Variants in FIGN observed in about 807,000 individuals in gnomAD.
FIGN encodes fidgetin.
In FIGN, 11 loss-of-function variants were observed where a neutral mutation model predicts 51.3. That is an observed-to-expected ratio of 0.21 (90% CI 0.13 to 0.35). FIGN has a LOEUF of 0.35. Among genes scored for constraint, FIGN ranks in the 10% least tolerant of loss-of-function variants. FIGN has a pLI of 1.00. For synonymous variants in FIGN, 407 were observed against 363.2 expected (o/e 1.12, Z -1.37); for missense variants, 857 against 943.6 (o/e 0.91, Z 1.20).
At chr2:163,655,125 C>T (rs1161631291) in intron 2 of FIGN, among the ~76,000 whole-genome samples, 1 of 152,124 alleles carries the variant, frequency 6.6e-6, no homozygotes, top group Admixed American at 6.6e-5. Flanking sequence ...AAATGGTTTT[C>T]AAGCTAGTAA....
chr2:163,688,542 G>A (rs764698721), intron 2 of FIGN, among the ~76,000 whole-genome samples: 5 of 152,152 alleles, frequency 3.3e-5, no homozygotes, highest in Admixed American at 6.6e-5. Flanking sequence ...CTATGTGAAA[G>A]TTAAAAAGAA....
intron 2 of FIGN, among the ~76,000 whole-genome samples, chr2:163,684,931 G>T (rs1684122107): frequency 6.8e-6 from 1 of 146,646 alleles, no homozygotes; most frequent in Admixed American, 6.8e-5. Flanking sequence ...GAGCCACCAT[G>T]CCTGGCTATT....
chr2:163,687,041 G>C (rs150348332), intron 2 of FIGN, among the ~76,000 whole-genome samples: 1 of 151,872 alleles, frequency 6.6e-6, no homozygotes, highest in South Asian at 2.1e-4. Context: ...ACACATACAT[G>C]CACAGCTACA....
intron 2 of FIGN, among the ~76,000 whole-genome samples, chr2:163,668,549 C>T (rs1017947063): frequency 1.3e-5 from 2 of 152,188 alleles, no homozygotes; most frequent in African/African-American, 4.8e-5. Context: ...AATTCCATCT[C>T]TTCATAAGAA....
intron 2 of FIGN, among the ~76,000 whole-genome samples, chr2:163,638,960 T>A (rs1683267036): frequency 6.6e-6 from 1 of 152,184 alleles, no homozygotes; most frequent in Non-Finnish European, 1.5e-5. Flanking sequence ...TAAACAGCAT[T>A]AAACCCCTCC....
At chr2:163,701,238 C>T (rs757630748) in intron 2 of FIGN, among the ~76,000 whole-genome samples, 2 of 152,116 alleles carry the variant, frequency 1.3e-5, no homozygotes, top group Non-Finnish European at 2.9e-5. Flanking sequence ...ATGTGAATTA[C>T]AGCACTGAGT....
At chr2:163,716,355 C>G (rs950424402) in intron 2 of FIGN, among the ~76,000 whole-genome samples, 2 of 152,062 alleles carry the variant, frequency 1.3e-5, no homozygotes, top group African/African-American at 4.8e-5. Flanking sequence ...ATTGGCACTA[C>G]CTTTAAAAAC....
intron 2 of FIGN, among the ~76,000 whole-genome samples, chr2:163,712,650 T>G (rs921762123): frequency 6.6e-6 from 1 of 150,432 alleles, no homozygotes; most frequent in African/African-American, 2.4e-5. Context: ...TGTTGTGAGG[T>G]TTTTTTTAAG....
At chr2:163,614,398 T>C (rs1157619490) in intron 2 of FIGN, among the ~76,000 whole-genome samples, 1 of 152,178 alleles carries the variant, frequency 6.6e-6, no homozygotes, top group Non-Finnish European at 1.5e-5. Flanking sequence ...TGGGATTTAC[T>C]TCAAGCCTTA....
intron 2 of FIGN, among the ~76,000 whole-genome samples, chr2:163,711,393 G>A (rs534764200): frequency 2.6e-5 from 4 of 152,068 alleles, no homozygotes; most frequent in Non-Finnish European, 5.9e-5. Flanking sequence ...ACCTCCCTAC[G>A]TATTAAATAA....
chr2:163,635,106 A>G (rs112422434), intron 2 of FIGN, among the ~76,000 whole-genome samples: 2,182 of 152,330 alleles, frequency 0.014, 48 homozygotes, highest in African/African-American at 0.049. Context: ...TACTATGTGT[A>G]TGCTTAATTT....
chr2:163,687,813 C>T (rs1684173728), intron 2 of FIGN, among the ~76,000 whole-genome samples: 1 of 152,068 alleles, frequency 6.6e-6, no homozygotes, highest in African/African-American at 2.4e-5. Flanking sequence ...TAAAAATGAA[C>T]AGTAACATGC....
chr2:163,643,932 C>CTAAAAAAAAAA (rs1683343770), intron 2 of FIGN, among the ~76,000 whole-genome samples: 1 of 19,070 alleles, frequency 5.2e-5, no homozygotes, highest in Non-Finnish European at 9.6e-5. Context: ...AACTCTGTCT[C>CTAAAAAAAAAA]AAAAAAAAAA....
rs769327003 is a variant in FIGN, at chr2:163,630,678, G to C, written c.26-18872C>G. On this transcript the variant is annotated intron_variant, in intron 2 of 2. Coordinates refer to ENST00000333129, the MANE Select transcript of FIGN (RefSeq NM_018086.4). ...AGCAAGGATTTGTACAAAAAAAAGG[G>C]GGGGGGGAATGATGATTGTCAGTCA... 2.2e-4 allele frequency among the ~76,000 whole-genome samples: 33 copies of C among 151,060 alleles called. No individual in the cohort carries two copies. The East Asian group carries it at 5.6e-3, about 26-fold the overall frequency.
intron 2 of FIGN, among the ~76,000 whole-genome samples, chr2:163,676,484 A>ATAT (rs1491432139): frequency 0.012 from 657 of 55,706 alleles, 164 homozygotes; most frequent in Middle Eastern, 0.048. Flanking sequence ...TATATATATA[A>ATAT]CTAGAGTCTG....
chr2:163,676,910 C>T lies in FIGN; in HGVS notation c.25+57993G>A, dbSNP rs1472388812. Among the ~76,000 whole-genome samples the T allele has an allele frequency of 2.0e-5, 3 of 152,124 alleles. No homozygotes were observed. The East Asian group carries it at 5.8e-4, about 29-fold the overall frequency. ...AGAATTAGCACTCAAAATATGTATG[C>T]AAGGAAATATTAATAAAGGCAGTAA... On this transcript the variant is annotated intron_variant, in intron 2 of 2. Coordinates refer to ENST00000333129, the MANE Select transcript of FIGN (RefSeq NM_018086.4).
At chr2:163,682,854 CA>C (rs1684087145) in intron 2 of FIGN, among the ~76,000 whole-genome samples, 1 of 152,180 alleles carries the variant, frequency 6.6e-6, no homozygotes, top group African/African-American at 2.4e-5. Context: ...CTAGCAGGAA[CA>C]AAGGGCACAT....
At chr2:163,637,057 C>T (rs1026477711) in intron 2 of FIGN, among the ~76,000 whole-genome samples, 46 of 151,954 alleles carry the variant, frequency 3.0e-4, no homozygotes, top group Admixed American at 3.0e-3. Context: ...CCAGCCTGGG[C>T]GACACAGTGA....
chr2:163,654,489 A>G (rs1232471413), intron 2 of FIGN, among the ~76,000 whole-genome samples: 1 of 152,142 alleles, frequency 6.6e-6, no homozygotes, highest in African/African-American at 2.4e-5. Flanking sequence ...CTATTTGTGT[A>G]GGGTAGTTGG....
Sources: gnomAD v4.1 joint callset for allele counts (sites outside exome capture counted in the v4.1 genomes callset) on GRCh38, gnomAD v4.1.1 for gene constraint, MANE v1.5 for transcripts, NCBI Gene and HGNC (gene_info 2026-07-23, HGNC 2026-07-21) for gene names.